Variants in JARID2 observed in about 807,000 individuals in gnomAD.
The protein encoded by JARID2 is protein Jumonji.
Under a neutral mutation model 125.6 loss-of-function variants are expected in JARID2, and 21 were observed. The observed-to-expected ratio is 0.17, with a 90% CI of 0.12 to 0.24. JARID2 has a LOEUF of 0.24. JARID2 is among the 10% of genes least tolerant of loss of function. The probability of loss-of-function intolerance (pLI) is 1.00; values close to 1 mark genes in which losing one functional copy is unlikely to be tolerated. For missense variants in JARID2, 1,303 were observed against 1,639.6 expected, an observed-to-expected ratio of 0.79 and a Z score of 3.55; for synonymous variants, 736 against 661.6, an observed-to-expected ratio of 1.11 and a Z score of -1.73.
intron 3 of JARID2, among the ~76,000 whole-genome samples, chr6:15,420,776 C>G (rs1225476360): frequency 2.6e-5 from 4 of 152,190 alleles, no homozygotes; most frequent in African/African-American, 9.7e-5. Context: ...AGGGCCAAAG[C>G]AGTGTTTACT....
intron 1 of JARID2, among the ~76,000 whole-genome samples, chr6:15,313,647 T>C (rs1762088260): frequency 6.6e-6 from 1 of 152,104 alleles, no homozygotes; most frequent in Non-Finnish European, 1.5e-5. Flanking sequence ...TGGTGTATGT[T>C]TCTTGTGGCA....
chr6:15,313,443 A>G (rs1252751012), intron 1 of JARID2, among the ~76,000 whole-genome samples: 1 of 152,200 alleles, frequency 6.6e-6, no homozygotes, highest in Non-Finnish European at 1.5e-5. Context: ...AGCAGTACAG[A>G]CAGGGTCTTG....
At chr6:15,508,783 T>G (rs550417099) in intron 12 of JARID2, among the ~76,000 whole-genome samples, 1 of 152,352 alleles carries the variant, frequency 6.6e-6, no homozygotes, top group African/African-American at 2.4e-5. Flanking sequence ...TTGTTTTGTT[T>G]CGTTTTGTTT....
At chr6:15,318,216 A>C (rs531438537) in intron 1 of JARID2, among the ~76,000 whole-genome samples, 1 of 152,170 alleles carries the variant, frequency 6.6e-6, no homozygotes, top group Admixed American at 6.5e-5. Flanking sequence ...CGTTTCCAAA[A>C]AAAAAAAGAT....
At chr6:15,445,630 C>T (rs924512750) in intron 3 of JARID2, among the ~76,000 whole-genome samples, 2 of 152,178 alleles carry the variant, frequency 1.3e-5, no homozygotes, top group Admixed American at 6.5e-5. Context: ...GGTCTTGTTG[C>T]ATGAGGTGTG....
intron 1 of JARID2, among the ~76,000 whole-genome samples, chr6:15,344,867 G>A (rs72834593): frequency 0.012 from 1,804 of 151,998 alleles, 14 homozygotes; most frequent in Non-Finnish European, 0.02. Context: ...ATCAAAAAAC[G>A]TTTTGAAGGC....
rs532734561 is a variant in JARID2 at position 15,509,364 on chromosome 6, C to G, written c.2846+910C>G. The G allele has an allele frequency of 6.1e-5, 60 of 985,384 alleles. No homozygotes were observed. In the African/African-American group the frequency reaches 9.6e-4, roughly 16 times the overall value. 61.0% of individuals were successfully genotyped at this position (985,384 alleles called of 1,614,324 possible). A position where few individuals can be genotyped will look rare whatever the true frequency, so the allele number is the denominator to read the frequency against. The stretch of plus-strand genomic sequence containing the variant: ...CATTCTTTATTAAAATAAACAAAGT[C>G]TTAGGACTCGTGTTCTCCCTCTTTG... On this transcript the variant is annotated intron_variant, in intron 12 of 17. Transcript: ENST00000341776.
At chr6:15,502,143 T>C (rs1197257156) in intron 8 of JARID2, among the ~76,000 whole-genome samples, 2 of 152,202 alleles carry the variant, frequency 1.3e-5, no homozygotes, top group Non-Finnish European at 2.9e-5. Flanking sequence ...TTTCCCTGTC[T>C]CCGCCAGGTC....
intron 8 of JARID2, among the ~76,000 whole-genome samples, chr6:15,501,984 T>C (rs896191467): frequency 2.0e-4 from 30 of 152,182 alleles, no homozygotes; most frequent in Non-Finnish European, 3.7e-4. Context: ...TTTCTCTGTT[T>C]TCTATCCGCT....
At chr6:15,308,856 ATAGTTAGGCTAATATAGGAAAATT>A (rs534050257) in intron 1 of JARID2, among the ~76,000 whole-genome samples, 2 of 152,362 alleles carry the variant, frequency 1.3e-5, no homozygotes, top group African/African-American at 4.8e-5. Context: ...TGCTTGGATA[ATAGTTAGGCTAATATAGGAAAATT>A]TAATCATGGC....
chr6:15,283,313 C>G (rs1266651924), intron 1 of JARID2, among the ~76,000 whole-genome samples: 3 of 146,264 alleles, frequency 2.1e-5, no homozygotes, highest in African/African-American at 7.7e-5. Flanking sequence ...CAAATATTGT[C>G]TCCTAGTCTG....
chr6:15,288,428 TC>T (rs1426741661), intron 1 of JARID2, among the ~76,000 whole-genome samples: 1 of 152,170 alleles, frequency 6.6e-6, no homozygotes, highest in Admixed American at 6.5e-5. Context: ...CCCAGACACT[TC>T]CTGCCAGGCC....
intron 1 of JARID2, among the ~76,000 whole-genome samples, chr6:15,370,872 A>G (rs1764142673): frequency 6.6e-6 from 1 of 152,160 alleles, no homozygotes; most frequent in Non-Finnish European, 1.5e-5. Context: ...AAGGCAGCTT[A>G]ATTGGGACTA....
At chr6:15,406,589 T>G (rs1765661007) in intron 2 of JARID2, among the ~76,000 whole-genome samples, 1 of 152,210 alleles carries the variant, frequency 6.6e-6, no homozygotes, top group African/African-American at 2.4e-5. Context: ...TTGGAGTTCT[T>G]GGAAGATTTA....
intron 1 of JARID2, among the ~76,000 whole-genome samples, chr6:15,349,283 A>G (rs1022019093): frequency 6.6e-6 from 1 of 152,178 alleles, no homozygotes; most frequent in Admixed American, 6.5e-5. Flanking sequence ...GATACTAAAG[A>G]AAAATGTTCC....
chr6:15,366,095 A>T (rs1361646819), intron 1 of JARID2, among the ~76,000 whole-genome samples: 2 of 152,054 alleles, frequency 1.3e-5, no homozygotes, highest in African/African-American at 4.8e-5. Flanking sequence ...TTCCCTCCCA[A>T]TTTTTTATTT....
intron 5 of JARID2, among the ~76,000 whole-genome samples, chr6:15,482,099 G>T (rs2127707583): frequency 6.6e-6 from 1 of 152,288 alleles, no homozygotes; most frequent in South Asian, 2.1e-4. Flanking sequence ...AGATACTGCT[G>T]ACTAACCACA....
chr6:15,375,997 T>C (rs747896401), intron 2 of JARID2, among the ~76,000 whole-genome samples: 6 of 152,198 alleles, frequency 3.9e-5, no homozygotes, highest in Non-Finnish European at 7.3e-5. Flanking sequence ...GAACAAAAAC[T>C]AAAGTTTGTC....
At chr6:15,277,563 G>A (rs899333583) in intron 1 of JARID2, among the ~76,000 whole-genome samples, 1 of 152,192 alleles carries the variant, frequency 6.6e-6, no homozygotes, top group Non-Finnish European at 1.5e-5. Flanking sequence ...TTGTCAGGAA[G>A]AGAGCTAGTA....
Sources: gnomAD v4.1 joint callset for allele counts (sites outside exome capture counted in the v4.1 genomes callset) on GRCh38, gnomAD v4.1.1 for gene constraint, MANE v1.5 for transcripts, NCBI Gene and HGNC (gene_info 2026-07-23, HGNC 2026-07-21) for gene names.